The following USP7 variants were observed in gnomAD, a reference collection of about 807,000 sequenced individuals.
USP7 encodes ubiquitin specific peptidase 7.
In USP7, 9 loss-of-function variants were observed where a neutral mutation model predicts 162.9. The observed-to-expected ratio is 0.06, with a 90% CI of 0.03 to 0.10. The LOEUF (loss-of-function observed/expected upper bound fraction) is 0.10, where lower values mean the gene tolerates loss of function less well. Among genes scored for constraint, USP7 ranks in the 10% least tolerant of loss-of-function variants. USP7 has a pLI of 1.00. For synonymous variants in USP7, 562 were observed against 475.9 expected, an observed-to-expected ratio of 1.18 and a Z score of -2.35; for missense variants, 715 against 1,373.7, an observed-to-expected ratio of 0.52 and a Z score of 7.58.
intron 1 of USP7, among the ~76,000 whole-genome samples, chr16:8,930,837 C>T (rs1445713277): frequency 2.6e-5 from 4 of 152,036 alleles, no homozygotes; most frequent in Admixed American, 6.5e-5. Context: ...GGTGTGGTGG[C>T]GCATGCCCGC....
At chr16:8,942,384 T>C (rs1055751844) in intron 1 of USP7, among the ~76,000 whole-genome samples, 6 of 152,132 alleles carry the variant, frequency 3.9e-5, no homozygotes, top group Admixed American at 3.3e-4. Flanking sequence ...CCTTATCACA[T>C]GCTAGGGGTC....
In USP7 at chr16:8,898,695, T is replaced by C. The variant is rs2304464; in HGVS notation, c.2532-56A>G. 13,311 of 1,395,304 alleles carry C rather than the reference T, an allele frequency of 9.5e-3. 251 individuals carry two copies. The highest frequency in any genetic ancestry group is 0.077 in the East Asian group (3,349 of 43,400). 86.4% of individuals were successfully genotyped at this position (1,395,304 alleles called of 1,614,324 possible). A position where few individuals can be genotyped will look rare whatever the true frequency, so the allele number is the denominator to read the frequency against. ...ACTTGTTTATTTGCCTAAAAACAAATATCTGTGAGTGAGCATAAAAGCAAA... is the reference window on the plus strand; with the variant it reads ...ACTTGTTTATTTGCCTAAAAACAAACATCTGTGAGTGAGCATAAAAGCAAA... On this transcript the variant is annotated intron_variant, in intron 23 of 30. Transcript: ENST00000344836.
intron 1 of USP7, among the ~76,000 whole-genome samples, chr16:8,937,048 A>T (rs1257711897): frequency 6.6e-6 from 1 of 152,178 alleles, no homozygotes; most frequent in African/African-American, 2.4e-5. Context: ...TAATTTTAAA[A>T]AGGCAAAGTA....
At chr16:8,945,025 A>G (rs28651477) in intron 1 of USP7, among the ~76,000 whole-genome samples, 50,670 of 152,140 alleles carry the variant, frequency 0.33, 10,272 homozygotes, top group African/African-American at 0.57. Flanking sequence ...ACCAAGGCAG[A>G]TGAAAGACCT....
intron 12 of USP7, 43 bp downstream of exon 12, chr16:8,908,298 G>T: frequency 4.0e-6 from 6 of 1,488,450 alleles, no homozygotes; most frequent in Non-Finnish European, 5.6e-6. Context: ...CCCTAGACCA[G>T]CATGATGATG....
intron 1 of USP7, among the ~76,000 whole-genome samples, chr16:8,938,224 C>T (rs757786416): frequency 6.6e-6 from 1 of 151,844 alleles, no homozygotes; most frequent in Non-Finnish European, 1.5e-5. Flanking sequence ...CCCAAAATAA[C>T]CTGGATTCCT....
chr16:8,931,104 A>C (rs1462758807), intron 1 of USP7, among the ~76,000 whole-genome samples: 1 of 152,190 alleles, frequency 6.6e-6, no homozygotes, highest in Non-Finnish European at 1.5e-5. Flanking sequence ...TTCTACAGCC[A>C]ATTTTGTTGT....
chr16:8,921,386 C>A, intron 3 of USP7, 91 bp from the exon 4 acceptor site: 1 of 1,448,872 alleles, frequency 6.9e-7, no homozygotes, highest in Non-Finnish European at 9.3e-7. Flanking sequence ...ACCAAAATTC[C>A]CATTTATGAT....
In USP7 at chr16:8,896,829, C is replaced by CT. The variant is rs553972547; in HGVS notation, c.2819+169dup. ...TTGAAAAACTGGAGCAACACTGGGT[C>CT]TGTGTTGAGCTTCTGTGCAACTGTC... is the stretch of plus-strand genomic sequence containing the variant. On this transcript the variant is annotated intron_variant, in intron 26 of 30. Coordinates refer to ENST00000344836, the MANE Select transcript of USP7 (RefSeq NM_003470.3). Among the ~76,000 whole-genome samples, 111 of 152,298 alleles carry CT rather than the reference C, an allele frequency of 7.3e-4. 3 individuals carry two copies. In the South Asian group the frequency reaches 0.023, roughly 31 times the overall value.
intron 1 of USP7, among the ~76,000 whole-genome samples, chr16:8,953,242 T>G (rs1351710813): frequency 6.6e-6 from 1 of 152,098 alleles, no homozygotes; most frequent in Non-Finnish European, 1.5e-5. Flanking sequence ...CACAGCTGCT[T>G]TGCCGAAGCC....
At chr16:8,896,759 G>A (rs965590835) in intron 26 of USP7, among the ~76,000 whole-genome samples, 7 of 152,158 alleles carry the variant, frequency 4.6e-5, no homozygotes, top group African/African-American at 1.7e-4. Flanking sequence ...TGTGAAACAC[G>A]CATAACCCTC....
intron 10 of USP7, among the ~76,000 whole-genome samples, chr16:8,913,886 C>A (rs1214138490): frequency 6.6e-6 from 1 of 151,872 alleles, no homozygotes; most frequent in South Asian, 2.1e-4. Flanking sequence ...GTAGCTGGGA[C>A]TACAGGTGCA....
At chr16:8,941,501 G>A (rs778197980) in intron 1 of USP7, among the ~76,000 whole-genome samples, 2 of 152,166 alleles carry the variant, frequency 1.3e-5, no homozygotes, top group Admixed American at 6.5e-5. Context: ...CCCTCTTCTC[G>A]CAGGTCAACC....
intron 11 of USP7, among the ~76,000 whole-genome samples, chr16:8,909,939 A>G (rs1352438006): frequency 1.3e-5 from 2 of 151,976 alleles, no homozygotes; most frequent in African/African-American, 2.4e-5. Flanking sequence ...AAAAAAAGCA[A>G]CTTTCTGATC....
At chr16:8,933,219 T>C (rs998764003) in intron 1 of USP7, among the ~76,000 whole-genome samples, 2 of 152,268 alleles carry the variant, frequency 1.3e-5, no homozygotes, top group Middle Eastern at 3.4e-3. Context: ...GGATCACTCA[T>C]GAGCCACCGC....
At chr16:8,913,164 T>C (rs946812275) in intron 10 of USP7, among the ~76,000 whole-genome samples, 1 of 152,208 alleles carries the variant, frequency 6.6e-6, no homozygotes, top group South Asian at 2.1e-4. Flanking sequence ...GAGACCAGCC[T>C]GCCCAACATG....
At chr16:8,942,304 T>C (rs1899084307) in intron 1 of USP7, among the ~76,000 whole-genome samples, 2 of 152,212 alleles carry the variant, frequency 1.3e-5, no homozygotes, top group African/African-American at 4.8e-5. Context: ...CTGTCGGACC[T>C]GAGACAGCCC....
chr16:8,934,331 G>C (rs776661524), intron 1 of USP7, among the ~76,000 whole-genome samples: 7 of 152,202 alleles, frequency 4.6e-5, no homozygotes, highest in Non-Finnish European at 7.3e-5. Flanking sequence ...ATCAGACTGA[G>C]ACACAAGTGA....
intron 2 of USP7, among the ~76,000 whole-genome samples, chr16:8,929,758 GTC>G (rs1898211303): frequency 6.6e-6 from 1 of 152,206 alleles, no homozygotes. Context: ...CACAAAAAAT[GTC>G]CATGCACATA....
Sources: gnomAD v4.1 joint callset for allele counts (sites outside exome capture counted in the v4.1 genomes callset) on GRCh38, gnomAD v4.1.1 for gene constraint, MANE v1.5 for transcripts, NCBI Gene and HGNC (gene_info 2026-07-23, HGNC 2026-07-21) for gene names.